Variants in KCNIP3 observed in about 807,000 individuals in gnomAD.
KCNIP3 encodes the protein potassium voltage-gated channel interacting protein 3.
In KCNIP3, 28 loss-of-function variants were observed where a neutral mutation model predicts 35.0. That is an observed-to-expected ratio of 0.80 (90% CI 0.59 to 1.10). The LOEUF is 1.10. KCNIP3 is among the 50% of genes least tolerant of loss of function. The probability of loss-of-function intolerance (pLI) is 0.00; values close to 1 mark genes in which losing one functional copy is unlikely to be tolerated. For synonymous variants in KCNIP3, 134 were observed against 133.8 expected (o/e 1.00, Z -0.01); for missense variants, 295 against 338.4 (o/e 0.87, Z 1.01).
chr2:95,352,029 G>A (rs1438562020), intron 2 of KCNIP3, among the ~76,000 whole-genome samples: 4 of 152,118 alleles, frequency 2.6e-5, no homozygotes, highest in Non-Finnish European at 5.9e-5. Flanking sequence ...TTGGGAGGCC[G>A]AGGTGGGCAG....
chr2:95,342,942 G>A (rs1052009507), intron 2 of KCNIP3, among the ~76,000 whole-genome samples: 1 of 152,234 alleles, frequency 6.6e-6, no homozygotes, highest in Non-Finnish European at 1.5e-5. Context: ...GCTGAACCAG[G>A]AGGCCCCTGG....
chr2:95,300,596 G>C (rs1207032781), intron 1 of KCNIP3, among the ~76,000 whole-genome samples: 1 of 152,228 alleles, frequency 6.6e-6, no homozygotes, highest in African/African-American at 2.4e-5. Context: ...GCACAGCATG[G>C]GGCGAGTCCC....
At chr2:95,379,789 G>A (rs1404937667) in intron 5 of KCNIP3, among the ~76,000 whole-genome samples, 2 of 152,188 alleles carry the variant, frequency 1.3e-5, no homozygotes, top group Admixed American at 6.5e-5. Flanking sequence ...ACACTGACCC[G>A]TGATGGGTCC....
rs527912411 is a variant in KCNIP3, at chr2:95,298,044, CAG to C, written c.15+599_15+600del. 1.1e-3 allele frequency among the ~76,000 whole-genome samples: 170 copies of C among 152,196 alleles called. 3 individuals carry two copies. Among genetic ancestry groups the C allele is most frequent in the African/African-American group, 3.4e-3 (142 of 41,508 alleles). ...CCTTTCAGTAGGGCTGTGGGGAGGT[CAG>C]AGAGAGAATGCAAGGAAAACGCCTG... On this transcript the variant is annotated intron_variant, in intron 1 of 8. Transcript: ENST00000295225.
At chr2:95,309,675 C>T (rs776241109) in intron 1 of KCNIP3, among the ~76,000 whole-genome samples, 3 of 152,160 alleles carry the variant, frequency 2.0e-5, no homozygotes, top group East Asian at 1.9e-4. Flanking sequence ...CCGCCTGCCT[C>T]GGCCTCCTAA....
chr2:95,354,474 C>T (rs1447798964), intron 2 of KCNIP3, among the ~76,000 whole-genome samples: 2 of 152,110 alleles, frequency 1.3e-5, no homozygotes, highest in South Asian at 4.1e-4. Flanking sequence ...CTGGCTGGGG[C>T]GGAGGCAGGG....
intron 2 of KCNIP3, among the ~76,000 whole-genome samples, chr2:95,372,435 G>A (rs1681583088): frequency 6.6e-6 from 1 of 152,126 alleles, no homozygotes; most frequent in Non-Finnish European, 1.5e-5. Context: ...GTGGGATGCT[G>A]GTTTACAGGG....
intron 1 of KCNIP3, among the ~76,000 whole-genome samples, chr2:95,298,059 AGGAAAACGCCT>A (rs924198503): frequency 3.3e-5 from 5 of 152,224 alleles, no homozygotes; most frequent in Non-Finnish European, 5.9e-5. Context: ...AGAGAATGCA[AGGAAAACGCCT>A]GGCACAGAGT....
intron 2 of KCNIP3, among the ~76,000 whole-genome samples, chr2:95,358,283 T>G (rs1296266001): frequency 1.3e-5 from 2 of 152,242 alleles, no homozygotes; most frequent in Admixed American, 6.5e-5. Context: ...GCCCAGTACC[T>G]GGTGCATTTC....
At chr2:95,345,785 G>A (rs1465096597) in intron 2 of KCNIP3, among the ~76,000 whole-genome samples, 1 of 152,242 alleles carries the variant, frequency 6.6e-6, no homozygotes, top group African/African-American at 2.4e-5. Flanking sequence ...GCCCGGCCAC[G>A]CCTCGTCCTC....
intron 2 of KCNIP3, among the ~76,000 whole-genome samples, chr2:95,323,198 C>T (rs1306999806): frequency 6.6e-6 from 1 of 152,232 alleles, no homozygotes; most frequent in Non-Finnish European, 1.5e-5. Context: ...CCTGCCCAGG[C>T]ACAGGGCCGT....
intron 2 of KCNIP3, among the ~76,000 whole-genome samples, chr2:95,360,321 C>T (rs907212759): frequency 2.6e-5 from 4 of 152,180 alleles, no homozygotes; most frequent in African/African-American, 9.7e-5. Flanking sequence ...TTCCTCAATT[C>T]CCTCTGAGAC....
chr2:95,319,860 CAT>C (rs1253317025), intron 2 of KCNIP3, among the ~76,000 whole-genome samples: 1 of 152,172 alleles, frequency 6.6e-6, no homozygotes, highest in African/African-American at 2.4e-5. Context: ...GAGAGTGAGA[CAT>C]AAGCCTCGTA....
chr2:95,315,325 A>G (rs542198356), intron 2 of KCNIP3, among the ~76,000 whole-genome samples: 1 of 152,192 alleles, frequency 6.6e-6, no homozygotes, highest in African/African-American at 2.4e-5. Context: ...TATTGAATCT[A>G]CGGTGTTTCG....
chr2:95,300,778 G>A (rs2104195037), intron 1 of KCNIP3, among the ~76,000 whole-genome samples: 1 of 152,348 alleles, frequency 6.6e-6, no homozygotes, highest in South Asian at 2.1e-4. Flanking sequence ...GAGCTGAGAC[G>A]GGAGGGCAGC....
rs116669260 is a variant in KCNIP3 at position 95,320,141 on chromosome 2, G to T, written c.181+9621G>T. Among the ~76,000 whole-genome samples, 280 of 152,270 alleles carry T rather than the reference G, an allele frequency of 1.8e-3. 2 individuals are homozygous for T. The highest frequency in any genetic ancestry group is 6.6e-3 in the African/African-American group (273 of 41,554). On this transcript the variant is annotated intron_variant, in intron 2 of 8. Coordinates refer to ENST00000295225, the MANE Select transcript of KCNIP3 (RefSeq NM_013434.5). Reference sequence around the variant, plus strand: ...TGGCTGGGTGTGGACCCGGAGGCGCGGCTGAGAATGAGGTGGGTGCTGCTG... The same window carrying T: ...TGGCTGGGTGTGGACCCGGAGGCGCTGCTGAGAATGAGGTGGGTGCTGCTG...
At chr2:95,338,660 A>G (rs1340015239) in intron 2 of KCNIP3, among the ~76,000 whole-genome samples, 1 of 152,220 alleles carries the variant, frequency 6.6e-6, no homozygotes, top group Non-Finnish European at 1.5e-5. Flanking sequence ...ACTTGATGTT[A>G]ACCAAAAGGC....
In KCNIP3 at chr2:95,374,858, C is replaced by T. The variant is rs141060640; in HGVS notation, c.317C>T (p.Thr106Met). ...LYRGFKNECP[T>M]GLVDEDTFKL... ...GCCTTCCTGCTGCAGGAGTGTCCCACGGGCCTGGTGGACGAAGACACCTTC... is the reference window on the plus strand; with the variant it reads ...GCCTTCCTGCTGCAGGAGTGTCCCATGGGCCTGGTGGACGAAGACACCTTC... The change falls in exon 4 of 9, where the codon ACG becomes ATG. Residue 106 changes from threonine to methionine, a missense_variant. By Grantham distance (81) the Thr-to-Met change is moderately conservative. Transcript: ENST00000295225. 2.8e-5 allele frequency: 45 copies of T among 1,613,648 alleles called. No homozygotes were observed. Among genetic ancestry groups the T allele is most frequent in the Non-Finnish European group, 3.0e-5 (35 of 1,179,988 alleles).
intron 2 of KCNIP3, among the ~76,000 whole-genome samples, chr2:95,365,144 C>A (rs1292893229): frequency 6.6e-6 from 1 of 151,122 alleles, no homozygotes; most frequent in East Asian, 2.0e-4. Context: ...TGGATTAACA[C>A]CTTGTCCTTA....
Sources: gnomAD v4.1 joint callset for allele counts (sites outside exome capture counted in the v4.1 genomes callset) on GRCh38, gnomAD v4.1.1 for gene constraint, MANE v1.5 for transcripts, NCBI Gene and HGNC (gene_info 2026-07-23, HGNC 2026-07-21) for gene names.